SYT12: variants seen among roughly 807,000 people sequenced by gnomAD.
SYT12 encodes synaptotagmin 12.
SYT12 carries 27 observed loss-of-function variants against 39.5 expected under a neutral mutation model. The observed-to-expected ratio is 0.68, with a 90% CI of 0.50 to 0.94. The LOEUF (loss-of-function observed/expected upper bound fraction) is 0.94. SYT12 is among the 40% of genes least tolerant of loss of function. The probability of loss-of-function intolerance (pLI) is 0.00; values close to 1 mark genes in which losing one functional copy is unlikely to be tolerated. For synonymous variants in SYT12, 233 were observed against 239.7 expected (o/e 0.97, Z 0.26); for missense variants, 536 against 572.6 (o/e 0.94, Z 0.65).
intron 4 of SYT12, among the ~76,000 whole-genome samples, chr11:67,040,731 G>A (rs931767365): frequency 2.6e-5 from 4 of 152,156 alleles, no homozygotes; most frequent in South Asian, 2.1e-4. Flanking sequence ...CCAGCTACTC[G>A]GGAGGCTGAG....
At chr11:67,028,469 C>T (rs527720804) in intron 1 of SYT12, 5 of 152,292 alleles carry the variant, frequency 3.3e-5, no homozygotes, top group Admixed American at 1.3e-4. Flanking sequence ...CTGGGCACCT[C>T]CAGGACTTAA....
At chr11:67,010,774 G>A (rs1462652668) in intron 2 of SYT12, 1 of 152,218 alleles carries the variant, frequency 6.6e-6, no homozygotes, top group East Asian at 1.9e-4. Context: ...TGTGTGAACA[G>A]GCGTCTGTCG....
chr11:67,030,356 GC>G, intron 2 of SYT12, 178 bp downstream of exon 2: 2 of 626,778 alleles, frequency 3.2e-6, no homozygotes, highest in Non-Finnish European at 5.4e-6. Flanking sequence ...ATCAAGCTTG[GC>G]CCAGTCTGAG....
At chr11:67,041,534 G>A (rs1466661842) in intron 4 of SYT12, among the ~76,000 whole-genome samples, 3 of 152,142 alleles carry the variant, frequency 2.0e-5, no homozygotes, top group South Asian at 2.1e-4. Context: ...AGAGTGGTGC[G>A]GATGGGGTGT....
At chr11:67,042,612 C>T (rs1950533278) in intron 4 of SYT12, among the ~76,000 whole-genome samples, 1 of 152,200 alleles carries the variant, frequency 6.6e-6, no homozygotes, top group African/African-American at 2.4e-5. Context: ...AAAGCACACG[C>T]TCAGAGAATG....
chr11:67,023,804 C>T (rs570626499), intron 1 of SYT12, among the ~76,000 whole-genome samples: 410 of 152,356 alleles, frequency 2.7e-3, no homozygotes, highest in Non-Finnish European at 4.2e-3. Flanking sequence ...TGTCCCTGCT[C>T]TGGCTTCGCA....
chr11:67,043,773 G>T lies in SYT12; in HGVS notation c.757G>T (p.Val253Leu). ...DEDERNVSTG[V>L]VELKLSVLDL... is the part of the protein sequence containing the mutation. Reference sequence around the variant, plus strand: ...GGATGAGCGCAACGTCAGCACGGGGGTGGTGGAGCTGAAGCTTTCTGTGCT... The same window carrying T: ...GGATGAGCGCAACGTCAGCACGGGGTTGGTGGAGCTGAAGCTTTCTGTGCT... Residue 253 changes from valine to leucine, a missense_variant, in exon 5 of 8, where the codon GTG becomes TTG. Physicochemically the swap from Val to Leu is conservative, Grantham distance 32 (BLOSUM62 1). Coordinates refer to ENST00000527043, the MANE Select transcript of SYT12 (RefSeq NM_177963.4). The T allele has an allele frequency of 6.2e-7, 1 of 1,614,150 alleles. No homozygotes were observed. Among genetic ancestry groups the T allele is most frequent in the Non-Finnish European group, 8.5e-7 (1 of 1,180,042 alleles).
At chr11:67,035,496 T>C (rs201755045) in intron 3 of SYT12, among the ~76,000 whole-genome samples, 4,332 of 147,516 alleles carry the variant, frequency 0.029, 74 homozygotes, top group Non-Finnish European at 0.043. Context: ...CTCGCTCTGT[T>C]GCCCAGGCTG....
chr11:67,010,144 C>A (rs1233932739), intron 2 of SYT12: 2 of 152,318 alleles, frequency 1.3e-5, no homozygotes, highest in Admixed American at 6.5e-5. Flanking sequence ...CTGAAACCAT[C>A]TGACCTTTGA....
intron 2 of SYT12, among the ~76,000 whole-genome samples, chr11:67,033,501 C>T (rs12800669): frequency 3.3e-5 from 5 of 152,186 alleles, no homozygotes; most frequent in Non-Finnish European, 7.3e-5. Context: ...AGGTGCTCTT[C>T]GCACCTCTCC....
chr11:67,039,185 C>A (rs1177323543), intron 3 of SYT12, among the ~76,000 whole-genome samples: 1 of 151,620 alleles, frequency 6.6e-6, no homozygotes, highest in Non-Finnish European at 1.5e-5. Flanking sequence ...CACCTGTAAT[C>A]CCGGGTCCTC....
Position 67,014,243 on chromosome 11 carries a change from T to C in SYT12, c.-69+3249T>C, listed in dbSNP as rs139651585. Among the ~76,000 whole-genome samples the C allele has an allele frequency of 2.2e-3, 334 of 152,310 alleles. 2 individuals carry two copies. Among genetic ancestry groups the C allele is most frequent in the African/African-American group, 7.8e-3 (324 of 41,572 alleles). On this transcript the variant is annotated intron_variant, in intron 3 of 10. Transcript: ENST00000393946. ...CTTTTTGGGGGGTCACAAGTCAACT[T>C]GCTGCAACCATCCCATCAGCCTAGA... is the stretch of plus-strand genomic sequence containing the variant.
upstream of SYT12, among the ~76,000 whole-genome samples, chr11:67,019,145 A>G (rs1197847613): frequency 6.6e-6 from 1 of 152,118 alleles, no homozygotes; most frequent in East Asian, 1.9e-4. Flanking sequence ...GACGAGAGAA[A>G]ATGAGAGCCA....
Position 67,013,243 on chromosome 11 carries a change from A to G in SYT12, c.-69+2249A>G, listed in dbSNP as rs938328181. On this transcript the variant is annotated intron_variant, in intron 3 of 10. Transcript: ENST00000393946. The stretch of plus-strand genomic sequence containing the variant: ...ATCCCTACCAGGCACTTTTATTTAC[A>G]TATCTCCCTTGATGGGGAGCTTGCC... Among the ~76,000 whole-genome samples, 4 of 152,238 alleles carry G rather than the reference A, an allele frequency of 2.6e-5. No homozygotes were observed. The South Asian group carries it at 6.2e-4, about 24-fold the overall frequency.
intron 3 of SYT12, among the ~76,000 whole-genome samples, chr11:67,036,324 A>G (rs1054832844): frequency 7.2e-5 from 11 of 152,198 alleles, no homozygotes; most frequent in East Asian, 5.8e-4. Flanking sequence ...TACATGTGCC[A>G]TGATTGACTA....
intron 7 of SYT12, among the ~76,000 whole-genome samples, chr11:67,046,094 G>A (rs1037937447): frequency 4.6e-5 from 7 of 151,930 alleles, no homozygotes. Flanking sequence ...ACAGGCAGGA[G>A]AGTCCCTAAT....
rs577444034 is a variant in SYT12 at position 67,044,209 on chromosome 11, T to C, written c.837+356T>C. ...TTGTAGGAATGCTCACAGAACATCA[T>C]TGTTGTTTAATCAAAGAATCTAATT... On this transcript the variant is annotated intron_variant, in intron 5 of 7. Transcript: ENST00000527043. Among the ~76,000 whole-genome samples the C allele has an allele frequency of 1.8e-4, 28 of 152,324 alleles. No individual in the cohort carries two copies. In the East Asian group the frequency reaches 4.8e-3, roughly 26 times the overall value.
chr11:67,025,961 G>A (rs780498688), intron 1 of SYT12, among the ~76,000 whole-genome samples: 1 of 152,128 alleles, frequency 6.6e-6, no homozygotes, highest in Non-Finnish European at 1.5e-5. Flanking sequence ...CTTTGGGCAA[G>A]TCACTTAACC....
intron 7 of SYT12, 130 bp from the exon 8 acceptor site, chr11:67,048,454 C>CTA: frequency 2.4e-5 from 23 of 944,614 alleles, no homozygotes; most frequent in Non-Finnish European, 3.0e-5. Flanking sequence ...CCTCTTAGAT[C>CTA]AGAGGTGAGG....
Sources: gnomAD v4.1 joint callset for allele counts (sites outside exome capture counted in the v4.1 genomes callset) on GRCh38, gnomAD v4.1.1 for gene constraint, MANE v1.5 for transcripts, NCBI Gene and HGNC (gene_info 2026-07-23, HGNC 2026-07-21) for gene names.